Variants in KHDRBS2 observed in about 807,000 individuals in gnomAD.
KHDRBS2 encodes KH domain-containing, RNA-binding, signal transduction-associated protein 2.
A neutral mutation model predicts 44.3 loss-of-function variants in KHDRBS2; 26 were observed. The observed-to-expected ratio is 0.59, with a 90% CI of 0.43 to 0.81. The LOEUF (loss-of-function observed/expected upper bound fraction) is 0.81. Among genes scored for constraint, KHDRBS2 ranks in the 40% least tolerant of loss-of-function variants. The pLI is 0.00. For missense variants in KHDRBS2, 476 were observed against 433.1 expected, an observed-to-expected ratio of 1.10 and a Z score of -0.88; for synonymous variants, 194 against 151.1, an observed-to-expected ratio of 1.28 and a Z score of -2.08.
At chr6:61,760,016 A>G (rs372686930) in intron 6 of KHDRBS2, among the ~76,000 whole-genome samples, 54 of 152,218 alleles carry the variant, frequency 3.5e-4, no homozygotes, top group African/African-American at 1.3e-3. Flanking sequence ...GCTTACTCAC[A>G]AAATAATATT....
chr6:61,604,212 C>G, the KHDRBS2 span, among the ~76,000 whole-genome samples: 1 of 152,160 alleles, frequency 6.6e-6, no homozygotes, highest in Admixed American at 6.5e-5. Context: ...ATCATTAATA[C>G]CTCTTTAATA....
At chr6:62,136,000 T>A (rs977804699) in intron 2 of KHDRBS2, among the ~76,000 whole-genome samples, 4 of 151,816 alleles carry the variant, frequency 2.6e-5, no homozygotes, top group Non-Finnish European at 4.4e-5. Context: ...GGACTATAGT[T>A]AATATTTTAT....
chr6:61,761,762 A>G (rs1177721574), intron 6 of KHDRBS2, among the ~76,000 whole-genome samples: 1 of 152,212 alleles, frequency 6.6e-6, no homozygotes, highest in African/African-American at 2.4e-5. Flanking sequence ...TAAAATGGTG[A>G]TACTAATACA....
At chr6:62,116,395 G>GC (rs1806234673) in intron 2 of KHDRBS2, among the ~76,000 whole-genome samples, 1 of 151,940 alleles carries the variant, frequency 6.6e-6, no homozygotes, top group Non-Finnish European at 1.5e-5. Context: ...TTCTGAGTTT[G>GC]TTTTAAATTC....
chr6:62,124,954 C>A (rs1314400024), intron 2 of KHDRBS2, among the ~76,000 whole-genome samples: 1 of 152,084 alleles, frequency 6.6e-6, no homozygotes, highest in African/African-American at 2.4e-5. Context: ...AAGGTTATAT[C>A]ATATTGTGGT....
At chr6:62,041,257 G>A (rs990903834) in intron 3 of KHDRBS2, among the ~76,000 whole-genome samples, 1 of 152,048 alleles carries the variant, frequency 6.6e-6, no homozygotes, top group Non-Finnish European at 1.5e-5. Flanking sequence ...CTTGAACCCA[G>A]GAGGTGGAGG....
intron 1 of KHDRBS2, among the ~76,000 whole-genome samples, chr6:62,205,744 T>C (rs1342947842): frequency 6.6e-6 from 1 of 152,126 alleles, no homozygotes; most frequent in East Asian, 1.9e-4. Flanking sequence ...ATGCCTCAAA[T>C]AAAATCTGCA....
chr6:61,569,836 T>C, the KHDRBS2 span, among the ~76,000 whole-genome samples: 21 of 152,244 alleles, frequency 1.4e-4, no homozygotes, highest in Non-Finnish European at 2.8e-4. Context: ...ACAATCATTG[T>C]AGTCTGGCTC....
At chr6:61,975,262 A>G (rs1772335206) in intron 4 of KHDRBS2, among the ~76,000 whole-genome samples, 1 of 152,194 alleles carries the variant, frequency 6.6e-6, no homozygotes, top group African/African-American at 2.4e-5. Context: ...TCCCTTTCGC[A>G]GAAGAACAAG....
At position 61,866,485 on chromosome 6, in the gene KHDRBS2, G is replaced by A. The variant is rs1056131058; in HGVS notation, c.810+28150C>T. Among the ~76,000 whole-genome samples the A allele has an allele frequency of 9.2e-5, 14 of 152,288 alleles. 1 individual carries two copies. The highest frequency in any genetic ancestry group is 5.9e-4 in the Admixed American group (9 of 15,288). On this transcript the variant is annotated intron_variant, in intron 6 of 8. Coordinates refer to ENST00000281156, the MANE Select transcript of KHDRBS2 (RefSeq NM_152688.4). Reference sequence around the variant, plus strand: ...TGGCCCTCTGGGCCTGTGATGGAAGGGGCTGCTGTGAAAACCTCTGACATG... The same window carrying A: ...TGGCCCTCTGGGCCTGTGATGGAAGAGGCTGCTGTGAAAACCTCTGACATG...
chr6:61,544,660 A>G, the KHDRBS2 span, among the ~76,000 whole-genome samples: 23 of 152,252 alleles, frequency 1.5e-4, no homozygotes, highest in African/African-American at 5.3e-4. Flanking sequence ...TAAGAGGCTC[A>G]GTAAGGAGTT....
chr6:62,070,920 C>A lies in KHDRBS2; in HGVS notation c.220-22926G>T, dbSNP rs1070145. Among the ~76,000 whole-genome samples the A allele has an allele frequency of 8.5e-5, 13 of 152,096 alleles. 1 individual carries two copies. The highest frequency in any genetic ancestry group is 5.2e-4 in the Admixed American group (8 of 15,286). Reference sequence around the variant, plus strand: ...GATCCTTGAGGAATGGCCACACTGACTTCCACAATGGTTGAACTAGTTTAC... The same window carrying A: ...GATCCTTGAGGAATGGCCACACTGAATTCCACAATGGTTGAACTAGTTTAC... On this transcript the variant is annotated intron_variant, in intron 2 of 8. Coordinates refer to ENST00000281156, the MANE Select transcript of KHDRBS2 (RefSeq NM_152688.4).
At chr6:61,821,816 C>G (rs1025978749) in intron 6 of KHDRBS2, among the ~76,000 whole-genome samples, 24 of 151,696 alleles carry the variant, frequency 1.6e-4, no homozygotes, top group African/African-American at 5.8e-4. Flanking sequence ...AGACCAATGA[C>G]TGGTATTTCT....
At chr6:62,189,304 A>G (rs1027888059) in intron 1 of KHDRBS2, among the ~76,000 whole-genome samples, 5 of 152,122 alleles carry the variant, frequency 3.3e-5, no homozygotes, top group South Asian at 2.1e-4. Flanking sequence ...CTCAACAGTA[A>G]GGCTTTCAAA....
At chr6:61,655,508 G>C in the KHDRBS2 span, among the ~76,000 whole-genome samples, 1 of 152,054 alleles carries the variant, frequency 6.6e-6, no homozygotes, top group Non-Finnish European at 1.5e-5. Flanking sequence ...ATCCGCCTTG[G>C]TCTCCCAAAG....
At chr6:62,061,878 T>C (rs1792016397) in intron 2 of KHDRBS2, among the ~76,000 whole-genome samples, 1 of 151,170 alleles carries the variant, frequency 6.6e-6, no homozygotes, top group Admixed American at 6.6e-5. Flanking sequence ...CATTTCTTTT[T>C]ATTCTTTTTT....
At chr6:61,981,466 A>G (rs1583941883) in intron 3 of KHDRBS2, among the ~76,000 whole-genome samples, 2 of 148,904 alleles carry the variant, frequency 1.3e-5, no homozygotes, top group South Asian at 2.1e-4. Context: ...AAAAAAACTG[A>G]GTTTTTTTTT....
At chr6:62,202,282 A>G (rs895569444) in intron 1 of KHDRBS2, among the ~76,000 whole-genome samples, 24 of 152,252 alleles carry the variant, frequency 1.6e-4, no homozygotes, top group Non-Finnish European at 2.9e-4. Flanking sequence ...TGTGACTAAT[A>G]TTTGACCTTC....
chr6:61,961,106 G>C (rs1012892485), intron 4 of KHDRBS2, among the ~76,000 whole-genome samples: 2 of 152,078 alleles, frequency 1.3e-5, no homozygotes, highest in Admixed American at 6.6e-5. Context: ...TTTTCCTTAT[G>C]AGATCCCAAG....
Sources: gnomAD v4.1 joint callset for allele counts (sites outside exome capture counted in the v4.1 genomes callset) on GRCh38, gnomAD v4.1.1 for gene constraint, MANE v1.5 for transcripts, NCBI Gene and HGNC (gene_info 2026-07-23, HGNC 2026-07-21) for gene names.